The following PAH variants were observed in gnomAD, a reference collection of about 807,000 sequenced individuals.
PAH encodes phenylalanine-4-hydroxylase.
PAH carries 64 observed loss-of-function variants against 62.0 expected under a neutral mutation model. The observed-to-expected ratio is 1.03, with a 90% confidence interval of 0.84 to 1.27. The LOEUF (loss-of-function observed/expected upper bound fraction) is 1.27. Among genes scored for constraint, PAH ranks in the 50% most tolerant of loss-of-function variants. PAH has a pLI of 0.00. For missense variants in PAH, 579 were observed against 542.8 expected (o/e 1.07, Z -0.66); for synonymous variants, 195 against 196.2 (o/e 0.99, Z 0.05).
intron 4 of PAH, among the ~76,000 whole-genome samples, chr12:102,872,043 T>C (rs568360863): frequency 4.2e-4 from 63 of 150,468 alleles, no homozygotes; most frequent in African/African-American, 1.4e-3. Context: ...TATGAGATCA[T>C]TGTCTCACAA....
In PAH at chr12:102,838,425, C is replaced by T. The variant is rs998017549; in HGVS notation, c.*750G>A. 1 of 152,160 alleles carries T rather than the reference C, an allele frequency of 6.6e-6. No individual in the cohort carries two copies. The allele number at this position is 152,160 out of a possible 1,614,324, so 9.4% of individuals were successfully genotyped here. On this transcript the variant is annotated 3_prime_UTR_variant, in exon 13 of 13. Coordinates refer to ENST00000553106, the MANE Select transcript of PAH (RefSeq NM_000277.3). Reference sequence around the variant, plus strand: ...TTACTTATTTATTCAGTGAACATTTCCTGAATATCTACCAACCAAGCCTTT... The same window carrying T: ...TTACTTATTTATTCAGTGAACATTTTCTGAATATCTACCAACCAAGCCTTT...
chr12:102,897,442 C>G (rs1397343720), intron 2 of PAH, among the ~76,000 whole-genome samples: 2 of 135,792 alleles, frequency 1.5e-5, no homozygotes, highest in Non-Finnish European at 3.0e-5. Flanking sequence ...CATATTAACT[C>G]TCATATATAT....
chr12:102,889,402 CATAGATAGATAGATAGATAG>C (rs10526127), intron 3 of PAH, among the ~76,000 whole-genome samples: 15 of 148,006 alleles, frequency 1.0e-4, no homozygotes, highest in South Asian at 2.2e-4. Flanking sequence ...TCCCAGACAA[CATAGATAGATAGATAGATAG>C]ATAGATAGAT....
chr12:102,846,600 A>G (rs1874855221), intron 9 of PAH, among the ~76,000 whole-genome samples: 1 of 152,236 alleles, frequency 6.6e-6, no homozygotes, highest in African/African-American at 2.4e-5. Context: ...AGATTACTTC[A>G]TACACACACT....
chr12:102,915,535 C>T lies in PAH; in HGVS notation c.60+1536G>A, dbSNP rs576142664. The stretch of plus-strand genomic sequence containing the variant: ...AGTAAAAGATTTACTCTGGTCCAGT[C>T]ACCAGACAGTTAGTCAATAGCACTC... On this transcript the variant is annotated intron_variant, in intron 1 of 12. Coordinates refer to ENST00000553106, the MANE Select transcript of PAH (RefSeq NM_000277.3). 5.9e-5 allele frequency among the ~76,000 whole-genome samples: 9 copies of T among 152,330 alleles called. No individual in the cohort carries two copies. The South Asian group carries it at 1.9e-3, about 32-fold the overall frequency.
At chr12:102,901,586 A>C (rs1877762042) in intron 2 of PAH, among the ~76,000 whole-genome samples, 1 of 151,556 alleles carries the variant, frequency 6.6e-6, no homozygotes, top group South Asian at 2.1e-4. Flanking sequence ...AATTTTTCTC[A>C]GCTCTTTTTT....
intron 1 of PAH, chr12:102,950,133 C>T (rs1344713466): frequency 6.6e-6 from 1 of 152,246 alleles, no homozygotes. Flanking sequence ...TATCAACTTA[C>T]TTAATCTTGT....
Position 102,912,782 on chromosome 12 carries a change from A to C in PAH, c.168+9T>G. On this transcript the variant is annotated intron_variant, in intron 2 of 12. Transcript: ENST00000553106. ...CATTATCCAAGACAAACATGATTGT[A>C]GCACTGACCTCAAATAAGCGCAATA... 1 of 1,567,954 alleles carries C rather than the reference A, an allele frequency of 6.4e-7. No individual in the cohort carries two copies. The highest frequency in any genetic ancestry group is 1.7e-4 in the Middle Eastern group (1 of 5,978).
At chr12:102,851,906 T>C in intron 7 of PAH, 150 bp from the exon 8 acceptor site, 1 of 664,598 alleles carries the variant, frequency 1.5e-6, no homozygotes. Context: ...TATGCAGAGG[T>C]TGGGATCATA....
intron 5 of PAH, 71 bp downstream of exon 5, chr12:102,866,525 A>G: frequency 1.7e-6 from 2 of 1,181,220 alleles, no homozygotes; most frequent in Middle Eastern, 1.9e-4. Flanking sequence ...CCTCAACTGG[A>G]TGAGGGCAAG....
At chr12:102,909,898 G>A (rs1278564563) in intron 2 of PAH, among the ~76,000 whole-genome samples, 2 of 152,160 alleles carry the variant, frequency 1.3e-5, no homozygotes, top group African/African-American at 4.8e-5. Context: ...GGCGGAGGTT[G>A]CAGTGAGCTG....
At chr12:102,894,557 C>CA (rs755935278) in intron 3 of PAH, among the ~76,000 whole-genome samples, 178 bp downstream of exon 3, 59 of 152,018 alleles carry the variant, frequency 3.9e-4, no homozygotes, top group Non-Finnish European at 6.6e-4. Flanking sequence ...TTTAATCCCC[C>CA]AAACAGTCTT....
At chr12:102,890,830 C>T (rs1877246510) in intron 3 of PAH, among the ~76,000 whole-genome samples, 1 of 152,192 alleles carries the variant, frequency 6.6e-6, no homozygotes, top group Non-Finnish European at 1.5e-5. Context: ...CACTTGTAAT[C>T]TCAGCACTTT....
upstream of PAH, among the ~76,000 whole-genome samples, chr12:102,955,164 C>A (rs551806142): frequency 6.6e-6 from 1 of 152,294 alleles, no homozygotes; most frequent in African/African-American, 2.4e-5. Context: ...TGCACTTCCA[C>A]TCCATTTGGG....
chr12:102,948,213 G>T (rs1210105073), intron 1 of PAH, among the ~76,000 whole-genome samples: 1 of 152,172 alleles, frequency 6.6e-6, no homozygotes, highest in South Asian at 2.1e-4. Flanking sequence ...AGGTTTATGA[G>T]TTAATCAATC....
intron 1 of PAH, among the ~76,000 whole-genome samples, chr12:102,936,939 C>A (rs7303652): frequency 0.032 from 4,904 of 152,180 alleles, 277 homozygotes; most frequent in African/African-American, 0.11. Context: ...GTGGGAGGGA[C>A]CTGCTGGGAG....
chr12:102,945,694 G>A (rs1228340727), intron 1 of PAH, among the ~76,000 whole-genome samples: 1 of 152,158 alleles, frequency 6.6e-6, no homozygotes, highest in East Asian at 1.9e-4. Context: ...TCTCTTCAGA[G>A]GAGTGGGCCC....
chr12:102,894,082 A>G (rs528916820), intron 3 of PAH, among the ~76,000 whole-genome samples: 15 of 152,268 alleles, frequency 9.9e-5, no homozygotes, highest in African/African-American at 3.6e-4. Flanking sequence ...GAGTGGAGAG[A>G]TTCAAAAATC....
intron 1 of PAH, among the ~76,000 whole-genome samples, chr12:102,930,926 G>A (rs1474112934): frequency 1.3e-5 from 2 of 151,938 alleles, no homozygotes; most frequent in Non-Finnish European, 2.9e-5. Context: ...CGTATCTATG[G>A]TATCAATAAT....
Sources: allele counts gnomAD v4.1 joint callset (sites outside exome capture counted in the v4.1 genomes callset), GRCh38; gene constraint gnomAD v4.1.1; transcripts MANE v1.5; gene names NCBI Gene and HGNC (gene_info 2026-07-23, HGNC 2026-07-21).